Variants in WWOX observed in about 807,000 individuals in gnomAD.
WWOX encodes WW domain containing oxidoreductase.
In WWOX, 69 loss-of-function variants were observed where a neutral mutation model predicts 46.2. That is an observed-to-expected ratio of 1.49 (90% CI 1.23 to 1.82). The LOEUF is 1.82. Ranked by LOEUF, WWOX falls within the 40% of genes most tolerant of loss-of-function variation. The probability of loss-of-function intolerance (pLI) is 0.00; values close to 1 mark genes in which losing one functional copy is unlikely to be tolerated. For synonymous variants in WWOX, 359 were observed against 202.6 expected (o/e 1.77, Z -6.56); for missense variants, 919 against 542.6 (o/e 1.69, Z -6.89).
chr16:78,918,739 C>G (rs183125579), intron 8 of WWOX, among the ~76,000 whole-genome samples: 14 of 152,296 alleles, frequency 9.2e-5, no homozygotes, highest in African/African-American at 2.9e-4. Flanking sequence ...TCACTATACC[C>G]ATTTCAGAAA....
chr16:78,911,552 T>TAAGA (rs2045111872), intron 8 of WWOX, among the ~76,000 whole-genome samples: 2 of 151,894 alleles, frequency 1.3e-5, no homozygotes, highest in Non-Finnish European at 2.9e-5. Flanking sequence ...TTAGGAAAAT[T>TAAGA]CTCCCCAGTG....
intron 8 of WWOX, among the ~76,000 whole-genome samples, chr16:79,201,853 A>G (rs1184854442): frequency 6.6e-6 from 1 of 152,184 alleles, no homozygotes; most frequent in Non-Finnish European, 1.5e-5. Flanking sequence ...TTATAAGCTC[A>G]GGTGATTTCA....
At chr16:78,405,234 T>C (rs1597176885) in intron 6 of WWOX, among the ~76,000 whole-genome samples, 1 of 152,296 alleles carries the variant, frequency 6.6e-6, no homozygotes, top group East Asian at 1.9e-4. Flanking sequence ...AAATGAAAAA[T>C]TCCTGGTGGT....
chr16:78,534,831 A>C (rs1307101962), intron 8 of WWOX, among the ~76,000 whole-genome samples: 1 of 151,720 alleles, frequency 6.6e-6, no homozygotes, highest in Non-Finnish European at 1.5e-5. Context: ...TGCCCTGATC[A>C]GCTTCCTGAG....
intron 8 of WWOX, among the ~76,000 whole-genome samples, chr16:79,170,493 A>G (rs1028757464): frequency 9.9e-5 from 15 of 152,234 alleles, no homozygotes; most frequent in Admixed American, 8.5e-4. Context: ...TACCACTCTC[A>G]TAAATCAATG....
In WWOX at chr16:78,889,060, G is replaced by C. The variant is rs559661508; in HGVS notation, c.1057-322548G>C. On this transcript the variant is annotated intron_variant, in intron 8 of 8. Coordinates refer to ENST00000566780, the MANE Select transcript of WWOX (RefSeq NM_016373.4). ...CCGGCTGACTTCTTCCCTTTTACAA[G>C]AAGATGTCTCTCTTTGAATTCAACT... Among the ~76,000 whole-genome samples, 13 of 152,136 alleles carry C rather than the reference G, an allele frequency of 8.5e-5. No individual in the cohort carries two copies. The East Asian group carries it at 2.3e-3, about 27-fold the overall frequency.
intron 8 of WWOX, among the ~76,000 whole-genome samples, chr16:78,474,826 A>G (rs2084317577): frequency 6.6e-6 from 1 of 152,208 alleles, no homozygotes; most frequent in South Asian, 2.1e-4. Flanking sequence ...TAATGGGCTC[A>G]CACGATATGT....
rs1374151931 is a variant in WWOX at position 78,311,787 on chromosome 16, T to A, written c.517-75073T>A. Among the ~76,000 whole-genome samples the A allele has an allele frequency of 9.9e-5, 15 of 151,580 alleles. No individual in the cohort carries two copies. In the South Asian group the frequency reaches 3.1e-3, roughly 32 times the overall value. On this transcript the variant is annotated intron_variant, in intron 5 of 8. Transcript: ENST00000566780. ...TAATAATTATTTTTAAAAAGCAGCC[T>A]GGCGGGGGGGTATTCATTTTTCTGT... is the stretch of plus-strand genomic sequence containing the variant.
At chr16:78,752,679 CCT>C (rs1172897206) in intron 8 of WWOX, among the ~76,000 whole-genome samples, 2 of 152,160 alleles carry the variant, frequency 1.3e-5, no homozygotes, top group Non-Finnish European at 2.9e-5. Context: ...TCTGTTTTCC[CCT>C]GAGAGTGGTT....
intron 8 of WWOX, among the ~76,000 whole-genome samples, chr16:79,027,190 T>G (rs1280793548): frequency 6.8e-6 from 1 of 147,912 alleles, no homozygotes; most frequent in Non-Finnish European, 1.5e-5. Flanking sequence ...TGAAGTGGGA[T>G]AATCAGCTGA....
At chr16:79,136,499 G>A (rs2049984444) in intron 8 of WWOX, among the ~76,000 whole-genome samples, 1 of 152,148 alleles carries the variant, frequency 6.6e-6, no homozygotes, top group South Asian at 2.1e-4. Context: ...AAAGTGCTGG[G>A]ATTACAGGCG....
At chr16:78,384,873 C>T (rs867679695) in intron 5 of WWOX, among the ~76,000 whole-genome samples, 28 of 152,120 alleles carry the variant, frequency 1.8e-4, no homozygotes, top group African/African-American at 6.3e-4. Context: ...CGGTGGCTCA[C>T]GCCTGTAATC....
Position 78,747,213 on chromosome 16 carries a change from T to A in WWOX, c.1056+314461T>A, listed in dbSNP as rs374013923. ...CCATTTTTTTTTTTTTTTTTTGAGA[T>A]GGAGTCTCGCTCTTGTCATGCAGGC... is the stretch of plus-strand genomic sequence containing the variant. On this transcript the variant is annotated intron_variant, in intron 8 of 8. Coordinates refer to ENST00000566780, the MANE Select transcript of WWOX (RefSeq NM_016373.4). 5.6e-3 allele frequency among the ~76,000 whole-genome samples: 824 copies of A among 146,316 alleles called. 7 individuals carry two copies. Among genetic ancestry groups the A allele is most frequent in the African/African-American group, 0.02 (778 of 39,154 alleles).
intron 8 of WWOX, among the ~76,000 whole-genome samples, chr16:78,541,473 C>CAAAAAAAA (rs59900108): frequency 8.9e-5 from 4 of 45,168 alleles, no homozygotes; most frequent in African/African-American, 4.4e-4. Context: ...GACTCCGTCT[C>CAAAAAAAA]AAAAAAAAAA....
chr16:79,021,524 C>A (rs894902276), intron 8 of WWOX, among the ~76,000 whole-genome samples: 2 of 152,112 alleles, frequency 1.3e-5, no homozygotes, highest in African/African-American at 2.4e-5. Context: ...CTTCTTAACC[C>A]ATTAAAGAAC....
At chr16:78,557,689 A>ATTGTTTTTTTTTTTTTTTTTTTTTTTTTT (rs2044336457) in intron 8 of WWOX, among the ~76,000 whole-genome samples, 1 of 96,648 alleles carries the variant, frequency 1.0e-5, no homozygotes. Context: ...CTAGGGAAGG[A>ATTGTTTTTTTTTTTTTTTTTTTTTTTTTT]TTTTTTTTTT....
intron 5 of WWOX, among the ~76,000 whole-genome samples, chr16:78,281,777 T>TA (rs1253407054): frequency 3.3e-5 from 5 of 152,124 alleles, no homozygotes; most frequent in Non-Finnish European, 5.9e-5. Flanking sequence ...CTGTGTGCTG[T>TA]ATAAGAACAC....
At chr16:79,168,225 C>T (rs1048240292) in intron 8 of WWOX, among the ~76,000 whole-genome samples, 8 of 152,148 alleles carry the variant, frequency 5.3e-5, no homozygotes, top group African/African-American at 1.9e-4. Context: ...CATGTTCTCA[C>T]TTTTCTTGGG....
chr16:78,746,477 C>T (rs2049349584), intron 8 of WWOX, among the ~76,000 whole-genome samples: 1 of 152,118 alleles, frequency 6.6e-6, no homozygotes, highest in African/African-American at 2.4e-5. Context: ...CAGTACACTC[C>T]AGGACTTTAG....
Sources: gnomAD v4.1 joint callset for allele counts (sites outside exome capture counted in the v4.1 genomes callset) on GRCh38, gnomAD v4.1.1 for gene constraint, MANE v1.5 for transcripts, NCBI Gene and HGNC (gene_info 2026-07-23, HGNC 2026-07-21) for gene names.